CDH4: variants seen among roughly 807,000 people sequenced by gnomAD.
CDH4 encodes the protein cadherin-4.
A neutral mutation model predicts 86.0 loss-of-function variants in CDH4; 33 were observed. That is an observed-to-expected ratio of 0.38 (90% confidence interval 0.29 to 0.51). The LOEUF (loss-of-function observed/expected upper bound fraction) is 0.51. Among genes scored for constraint, CDH4 ranks in the 20% least tolerant of loss-of-function variants. The pLI is 0.86. For missense variants in CDH4, 1,114 were observed against 1,307.4 expected (o/e 0.85, Z 2.28); for synonymous variants, 555 against 549.4 (o/e 1.01, Z -0.14).
At chr20:61,813,190 T>C (rs1980526807) in intron 4 of CDH4, among the ~76,000 whole-genome samples, 1 of 152,238 alleles carries the variant, frequency 6.6e-6, no homozygotes, top group South Asian at 2.1e-4. Flanking sequence ...AACAAGATTG[T>C]GGTGGGGTGA....
chr20:61,920,678 G>A (rs575285567), intron 9 of CDH4, among the ~76,000 whole-genome samples: 32 of 150,734 alleles, frequency 2.1e-4, no homozygotes, highest in South Asian at 6.4e-4. Flanking sequence ...GCATGGAAGC[G>A]TGGTGTCGTG....
chr20:61,464,970 A>G (rs1195615666), intron 2 of CDH4, among the ~76,000 whole-genome samples: 1 of 152,230 alleles, frequency 6.6e-6, no homozygotes, highest in Non-Finnish European at 1.5e-5. Flanking sequence ...TAAAAGTCTG[A>G]AAATGCCAAA....
chr20:61,292,396 G>T (rs1365197124), intron 2 of CDH4, among the ~76,000 whole-genome samples: 1 of 152,234 alleles, frequency 6.6e-6, no homozygotes, highest in Non-Finnish European at 1.5e-5. Context: ...TTTTGAGTGG[G>T]CACTGCTCTT....
At chr20:61,594,163 A>G (rs1464767797) in intron 2 of CDH4, among the ~76,000 whole-genome samples, 3 of 64,068 alleles carry the variant, frequency 4.7e-5, no homozygotes, top group African/African-American at 1.9e-4. Context: ...GGGTTGGGGA[A>G]AGAGGGGGGA....
intron 8 of CDH4, among the ~76,000 whole-genome samples, chr20:61,901,441 AT>A (rs1205537331): frequency 3.9e-5 from 6 of 152,398 alleles, no homozygotes; most frequent in South Asian, 2.1e-4. Flanking sequence ...AATGCAAGCA[AT>A]CACAGAACAG....
intron 8 of CDH4, among the ~76,000 whole-genome samples, chr20:61,905,508 A>G (rs575828715): frequency 2.0e-5 from 3 of 152,124 alleles, no homozygotes; most frequent in African/African-American, 7.2e-5. Flanking sequence ...AGGGGCCACA[A>G]AATCCAAGGG....
intron 9 of CDH4, among the ~76,000 whole-genome samples, chr20:61,916,294 TAG>T (rs1378035049): frequency 6.6e-6 from 1 of 152,162 alleles, no homozygotes; most frequent in African/African-American, 2.4e-5. Context: ...CATCTGTTCT[TAG>T]ATTCCCACGC....
intron 2 of CDH4, among the ~76,000 whole-genome samples, chr20:61,536,978 G>C (rs545152657): frequency 5.9e-5 from 9 of 152,262 alleles, no homozygotes; most frequent in African/African-American, 2.2e-4. Context: ...GGCTCAAGAC[G>C]GATGGGTGTG....
chr20:61,660,373 A>C (rs534389464), intron 2 of CDH4, among the ~76,000 whole-genome samples: 1 of 152,330 alleles, frequency 6.6e-6, no homozygotes, highest in Non-Finnish European at 1.5e-5. Context: ...CCTATGAATC[A>C]GACATATTAG....
chr20:61,835,598 G>A (rs915250541), intron 4 of CDH4, among the ~76,000 whole-genome samples: 1 of 152,218 alleles, frequency 6.6e-6, no homozygotes, highest in African/African-American at 2.4e-5. Flanking sequence ...CAGCCTCCTG[G>A]CCTCAAGGCT....
At chr20:61,475,023 G>T (rs2145572443) in intron 2 of CDH4, among the ~76,000 whole-genome samples, 1 of 152,288 alleles carries the variant, frequency 6.6e-6, no homozygotes, top group South Asian at 2.1e-4. Context: ...AACAAGAGCA[G>T]TATCTATTCA....
intron 2 of CDH4, among the ~76,000 whole-genome samples, chr20:61,610,384 TTATC>T (rs1471944789): frequency 2.0e-5 from 3 of 152,240 alleles, no homozygotes; most frequent in African/African-American, 4.8e-5. Context: ...TACATTGTCT[TTATC>T]TATTTGTCCA....
At chr20:61,871,803 AC>A (rs1481393998) in intron 6 of CDH4, among the ~76,000 whole-genome samples, 1 of 152,188 alleles carries the variant, frequency 6.6e-6, no homozygotes, top group Non-Finnish European at 1.5e-5. Context: ...ACTATAATTC[AC>A]GTGCCATACA....
chr20:61,318,086 T>C (rs1002981043), intron 2 of CDH4, among the ~76,000 whole-genome samples: 1 of 152,076 alleles, frequency 6.6e-6, no homozygotes, highest in Non-Finnish European at 1.5e-5. Flanking sequence ...GAGGGACACT[T>C]TTCACCTGAA....
At chr20:61,406,906 G>T (rs1308174471) in intron 2 of CDH4, among the ~76,000 whole-genome samples, 7 of 146,222 alleles carry the variant, frequency 4.8e-5, no homozygotes, top group Non-Finnish European at 7.5e-5. Flanking sequence ...ACCACCATCT[G>T]CTCTGCCTGG....
intron 2 of CDH4, among the ~76,000 whole-genome samples, chr20:61,540,945 G>A (rs754765717): frequency 6.6e-6 from 1 of 152,082 alleles, no homozygotes; most frequent in African/African-American, 2.4e-5. Flanking sequence ...AGCTGTTCAA[G>A]CCCGTGCCAT....
intron 2 of CDH4, among the ~76,000 whole-genome samples, chr20:61,433,602 T>C (rs2085261916): frequency 6.6e-6 from 1 of 152,010 alleles, no homozygotes; most frequent in Admixed American, 6.5e-5. Flanking sequence ...TGCAAGGGTT[T>C]GGGTGTGCAA....
chr20:61,443,917 T>G (rs2085327220), intron 2 of CDH4, among the ~76,000 whole-genome samples: 1 of 151,544 alleles, frequency 6.6e-6, no homozygotes, highest in Admixed American at 6.6e-5. Context: ...TATGTCTGTA[T>G]CTCTGTGTGT....
intron 2 of CDH4, among the ~76,000 whole-genome samples, chr20:61,356,633 G>A (rs1260407541): frequency 6.6e-6 from 1 of 152,166 alleles, no homozygotes; most frequent in Non-Finnish European, 1.5e-5. Flanking sequence ...CCCAAAGCTT[G>A]CACCGTATGT....
Sources: allele counts gnomAD v4.1 joint callset (sites outside exome capture counted in the v4.1 genomes callset), GRCh38; gene constraint gnomAD v4.1.1; transcripts MANE v1.5; gene names NCBI Gene and HGNC (gene_info 2026-07-23, HGNC 2026-07-21).